Variants in CSGALNACT1 observed in about 807,000 individuals in gnomAD.
The protein encoded by CSGALNACT1 is beta4GalNAcT-1.
Under a neutral mutation model 51.0 loss-of-function variants are expected in CSGALNACT1, and 52 were observed. The observed-to-expected ratio is 1.02, with a 90% CI of 0.82 to 1.29. CSGALNACT1 has a LOEUF of 1.29. Among genes scored for constraint, CSGALNACT1 ranks in the 50% most tolerant of loss-of-function variants. The probability of loss-of-function intolerance (pLI) is 0.00; values close to 1 mark genes in which losing one functional copy is unlikely to be tolerated. For missense variants in CSGALNACT1, 935 were observed against 679.2 expected, an observed-to-expected ratio of 1.38 and a Z score of -4.19; for synonymous variants, 341 against 254.4, an observed-to-expected ratio of 1.34 and a Z score of -3.24.
At chr8:19,509,407 G>C (rs755184571) in intron 3 of CSGALNACT1, among the ~76,000 whole-genome samples, 4 of 151,932 alleles carry the variant, frequency 2.6e-5, no homozygotes, top group Non-Finnish European at 5.9e-5. Flanking sequence ...ATCATTTAAG[G>C]TCAGGAGTTC....
chr8:19,633,038 G>A (rs1490689993), intron 1 of CSGALNACT1, among the ~76,000 whole-genome samples: 2 of 151,430 alleles, frequency 1.3e-5, no homozygotes, highest in Non-Finnish European at 2.9e-5. Context: ...AAAATGCTGA[G>A]ATCACAAGTG....
At chr8:19,650,759 T>C (rs1238991908) in intron 1 of CSGALNACT1, among the ~76,000 whole-genome samples, 1 of 152,188 alleles carries the variant, frequency 6.6e-6, no homozygotes, top group Non-Finnish European at 1.5e-5. Context: ...TTCTTTTGTT[T>C]GGAATGAGGA....
exon 4 of CSGALNACT1, chr8:19,505,969 G>C: frequency 1.0e-6 from 1 of 977,890 alleles, no homozygotes; most frequent in Non-Finnish European, 1.6e-6. Context: ...TTTCCTTCTA[G>C]AACGAGTTCT....
intron 3 of CSGALNACT1, among the ~76,000 whole-genome samples, chr8:19,571,985 G>A (rs2043147383): frequency 6.6e-6 from 1 of 152,130 alleles, no homozygotes; most frequent in African/African-American, 2.4e-5. Flanking sequence ...CATTCTTTCT[G>A]AGGGGTTCCC....
At chr8:19,668,882 A>T (rs1249737892) in intron 1 of CSGALNACT1, among the ~76,000 whole-genome samples, 2 of 152,210 alleles carry the variant, frequency 1.3e-5, no homozygotes, top group African/African-American at 4.8e-5. Context: ...GGAAAATGGG[A>T]TCAATCACGT....
chr8:19,457,434 GAAACCCGGTCTCTACTA>G (rs1240746251), intron 5 of CSGALNACT1: 3 of 358,990 alleles, frequency 8.4e-6, no homozygotes, highest in Non-Finnish European at 1.6e-5. Context: ...CCAAAATGGC[GAAACCCGGTCTCTACTA>G]AAAATGCAAA....
intron 4 of CSGALNACT1, among the ~76,000 whole-genome samples, chr8:19,459,221 A>G (rs1466277537): frequency 6.6e-6 from 1 of 151,912 alleles, no homozygotes; most frequent in Non-Finnish European, 1.5e-5. Flanking sequence ...CCCCATCTCT[A>G]CTAATACAAA....
chr8:19,477,125 T>C (rs1398308245), intron 4 of CSGALNACT1, among the ~76,000 whole-genome samples: 1 of 152,234 alleles, frequency 6.6e-6, no homozygotes, highest in African/African-American at 2.4e-5. Context: ...CTCTGACAAG[T>C]TCACAACATG....
intron 8 of CSGALNACT1, among the ~76,000 whole-genome samples, chr8:19,408,949 AACACACACAC>A (rs5889870): frequency 2.8e-5 from 4 of 142,288 alleles, no homozygotes; most frequent in African/African-American, 1.0e-4. Context: ...TAGATATGAA[AACACACACAC>A]ACACACACAC....
chr8:19,457,679 T>G (rs1353137805), intron 5 of CSGALNACT1: 3 of 1,302,954 alleles, frequency 2.3e-6, no homozygotes, highest in Middle Eastern at 2.1e-4. Flanking sequence ...GGATTTTCTA[T>G]GTTTAAAACA....
chr8:19,492,909 CTTCT>C (rs1395721950), intron 4 of CSGALNACT1, among the ~76,000 whole-genome samples: 2 of 152,044 alleles, frequency 1.3e-5, no homozygotes, highest in African/African-American at 4.8e-5. Flanking sequence ...AGATTTAAGT[CTTCT>C]TTCTTTTAGT....
At chr8:19,688,602 G>A (rs1225683946) in intron 1 of CSGALNACT1, 3 of 151,994 alleles carry the variant, frequency 2.0e-5, no homozygotes, top group African/African-American at 7.3e-5. Flanking sequence ...ACTTTGCATT[G>A]ACTCCTTCCC....
At chr8:19,664,460 T>C (rs549207275) in intron 1 of CSGALNACT1, among the ~76,000 whole-genome samples, 160 of 152,260 alleles carry the variant, frequency 1.1e-3, no homozygotes, top group South Asian at 8.9e-3. Flanking sequence ...ACAACTACCA[T>C]TTGAACCAGC....
At chr8:19,752,181 C>G (rs1005593948) in intron 1 of CSGALNACT1, among the ~76,000 whole-genome samples, 1 of 147,354 alleles carries the variant, frequency 6.8e-6, no homozygotes, top group African/African-American at 2.5e-5. Flanking sequence ...ATATTCATAT[C>G]TTATATAATA....
chr8:19,547,437 C>T lies in CSGALNACT1; in HGVS notation c.-296-41307G>A, dbSNP rs2086729444. ...GAGACCCAGTGGGAGATAACTGAATCATGGGGGTGGTTTCCCCATACTGTT... is the reference window on the plus strand; with the variant it reads ...GAGACCCAGTGGGAGATAACTGAATTATGGGGGTGGTTTCCCCATACTGTT... On this transcript the variant is annotated intron_variant, in intron 3 of 9. Coordinates refer to ENST00000454498, the Ensembl canonical transcript of CSGALNACT1. Among the ~76,000 whole-genome samples the T allele has an allele frequency of 4.7e-4, 5 of 10,628 alleles. No homozygotes were observed. The South Asian group carries it at 0.029, about 63-fold the overall frequency. 7.0% of individuals were successfully genotyped at this position (10,628 alleles called of 152,430 possible).
intron 4 of CSGALNACT1, among the ~76,000 whole-genome samples, chr8:19,471,931 C>G (rs553496332): frequency 6.6e-6 from 1 of 152,214 alleles, no homozygotes; most frequent in African/African-American, 2.4e-5. Context: ...ACCCAGATAT[C>G]AGGCTGCTCA....
chr8:19,477,095 C>G (rs1018908634), intron 4 of CSGALNACT1, among the ~76,000 whole-genome samples: 3 of 152,220 alleles, frequency 2.0e-5, no homozygotes, highest in Non-Finnish European at 4.4e-5. Flanking sequence ...TACTGGCAGG[C>G]AGAAGTTTTG....
chr8:19,747,346 C>T lies in CSGALNACT1; in HGVS notation c.-297+10504G>A, dbSNP rs148361963. Among the ~76,000 whole-genome samples the T allele has an allele frequency of 1.1e-3, 167 of 152,234 alleles. 1 individual carries two copies. The highest frequency in any genetic ancestry group is 3.7e-3 in the African/African-American group (152 of 41,548). ...GTTCTACATACAGGGTCTAAGGAGGCGTTCCCTGAGGCCTCTGTTATCCAC... is the reference window on the plus strand; with the variant it reads ...GTTCTACATACAGGGTCTAAGGAGGTGTTCCCTGAGGCCTCTGTTATCCAC... On this transcript the variant is annotated intron_variant, in intron 1 of 1. Transcript: ENST00000517494.
intron 1 of CSGALNACT1, among the ~76,000 whole-genome samples, chr8:19,676,853 C>G (rs1420440400): frequency 6.6e-6 from 1 of 152,082 alleles, no homozygotes; most frequent in African/African-American, 2.4e-5. Context: ...GGAAGAAAAT[C>G]AAGAAGAAAG....
Sources: gnomAD v4.1 joint callset for allele counts (sites outside exome capture counted in the v4.1 genomes callset) on GRCh38, gnomAD v4.1.1 for gene constraint, MANE v1.5 for transcripts, NCBI Gene and HGNC (gene_info 2026-07-23, HGNC 2026-07-21) for gene names.